The following IARS1 variants were observed in gnomAD, a reference collection of about 807,000 sequenced individuals.
IARS1 encodes isoleucine--tRNA ligase, cytoplasmic.
IARS1 carries 124 observed loss-of-function variants against 168.2 expected under a neutral mutation model. The observed-to-expected ratio is 0.74, with a 90% CI of 0.64 to 0.86. The LOEUF is 0.86. IARS1 is among the 40% of genes least tolerant of loss of function. The pLI, the probability that IARS1 is intolerant of heterozygous loss-of-function variation, is 0.00. For synonymous variants in IARS1, 532 were observed against 529.4 expected, an observed-to-expected ratio of 1.00 and a Z score of -0.07; for missense variants, 1,452 against 1,515.8, an observed-to-expected ratio of 0.96 and a Z score of 0.70.
intron 31 of IARS1, among the ~76,000 whole-genome samples, chr9:92,225,260 C>T (rs1051044139): frequency 6.6e-6 from 1 of 152,206 alleles, no homozygotes; most frequent in South Asian, 2.1e-4. Flanking sequence ...GTCTTATTTA[C>T]CAACACAGCA....
intron 8 of IARS1, 30 bp from the exon 9 acceptor site, chr9:92,277,953 T>C: frequency 1.3e-6 from 2 of 1,598,446 alleles, no homozygotes; most frequent in Non-Finnish European, 1.7e-6. Context: ...AACTCACAAT[T>C]AGATTAAAAT....
chr9:92,224,182 A>G (rs1825264555), intron 31 of IARS1, among the ~76,000 whole-genome samples: 1 of 152,230 alleles, frequency 6.6e-6, no homozygotes, highest in Admixed American at 6.5e-5. Flanking sequence ...TGGCTGGCAG[A>G]GAAAGAAAAC....
At chr9:92,244,436 T>C (rs1322747001) in intron 27 of IARS1, among the ~76,000 whole-genome samples, 1 of 152,158 alleles carries the variant, frequency 6.6e-6, no homozygotes, top group African/African-American at 2.4e-5. Context: ...TGCGAGATCT[T>C]ACAACTATGC....
intron 9 of IARS1, 133 bp from the exon 10 acceptor site, chr9:92,274,654 A>C: frequency 1.7e-6 from 1 of 593,526 alleles, no homozygotes; most frequent in Non-Finnish European, 3.0e-6. Context: ...GAAAAGAAAG[A>C]ATAATGCAGG....
At chr9:92,225,672 A>G (rs1387251278) in intron 31 of IARS1, among the ~76,000 whole-genome samples, 1 of 151,856 alleles carries the variant, frequency 6.6e-6, no homozygotes, top group Non-Finnish European at 1.5e-5. Context: ...GGGGTGAACT[A>G]TGGTGGTTTC....
intron 30 of IARS1, among the ~76,000 whole-genome samples, chr9:92,238,506 G>A (rs112027503): frequency 4.6e-5 from 7 of 152,288 alleles, no homozygotes; most frequent in Non-Finnish European, 1.0e-4. Context: ...CTGTAAAGCA[G>A]AGTAAAAGCT....
chr9:92,224,302 A>T (rs1382565808), intron 31 of IARS1, among the ~76,000 whole-genome samples: 1 of 152,218 alleles, frequency 6.6e-6, no homozygotes, highest in Non-Finnish European at 1.5e-5. Context: ...CCTGAAGAAT[A>T]GTGATGGGTG....
chr9:92,243,785 G>A (rs918200100), intron 27 of IARS1, among the ~76,000 whole-genome samples: 1 of 152,106 alleles, frequency 6.6e-6, no homozygotes, highest in African/African-American at 2.4e-5. Context: ...TTGTCAGAAC[G>A]ACTCAAGACA....
intron 30 of IARS1, among the ~76,000 whole-genome samples, chr9:92,240,082 G>A (rs1400148015): frequency 6.6e-6 from 1 of 152,008 alleles, no homozygotes; most frequent in Non-Finnish European, 1.5e-5. Context: ...AGGTCACTTG[G>A]TTACAAGGTC....
At chr9:92,227,946 G>A (rs1389673063) in intron 31 of IARS1, among the ~76,000 whole-genome samples, 1 of 152,230 alleles carries the variant, frequency 6.6e-6, no homozygotes, top group Non-Finnish European at 1.5e-5. Context: ...CGGCCGGGCA[G>A]AGGCTGCAAT....
At position 92,222,617 on chromosome 9, in the gene IARS1, A is replaced by G; in HGVS notation, c.3609T>C (p.Asn1203=). Residue 1203 remains asparagine, a synonymous_variant, in exon 33 of 34, where the codon AAT becomes AAC. Transcript: ENST00000443024. ...ACAGAAGACCTTGGTGGGTGAGTCC[A>G]TTCTGCCCAAGTGGGTTTTCAAGCA... ...TLLLENPLGQ[N]GLTHQGLLYE... is the part of the protein sequence containing the mutation. 1 of 1,614,082 alleles carries G rather than the reference A, an allele frequency of 6.2e-7. No individual in the cohort carries two copies. The highest frequency in any genetic ancestry group is 1.1e-5 in the South Asian group (1 of 91,082).
intron 30 of IARS1, among the ~76,000 whole-genome samples, chr9:92,230,405 G>T (rs1231033721): frequency 6.6e-6 from 1 of 152,146 alleles, no homozygotes; most frequent in Non-Finnish European, 1.5e-5. Context: ...GAGCAACTGT[G>T]CCTGGCCTCA....
At chr9:92,253,260 G>A in intron 21 of IARS1, 102 bp downstream of exon 21, 1 of 738,824 alleles carries the variant, frequency 1.4e-6, no homozygotes. Flanking sequence ...CAAAAACGGA[G>A]AGCAACTGAA....
Position 92,242,157 on chromosome 9 carries a change from T to C in IARS1, c.3174A>G (p.Thr1058=), listed in dbSNP as rs767023093. Residue 1058 remains threonine (T), a synonymous_variant, in exon 29 of 34, where the codon ACA becomes ACG. Transcript: ENST00000443024. ...TTCAGTGGAACTCAGGACTCACCTG[T>C]GTTTTTTCTTGAATAAGGACTTTAT... The part of the protein sequence containing the change: ...PSDKVLIQEK[T]QLKGSELEIT... 2.5e-6 allele frequency: 4 copies of C among 1,612,368 alleles called. No individual in the cohort carries two copies. The highest frequency in any genetic ancestry group is 1.7e-6 in the Non-Finnish European group (2 of 1,178,686).
At position 92,247,852 on chromosome 9, in the gene IARS1, A is replaced by G. The variant is rs146301370; in HGVS notation, c.2617-301T>C. On this transcript the variant is annotated intron_variant, in intron 25 of 33. Coordinates refer to ENST00000443024, the MANE Select transcript of IARS1 (RefSeq NM_002161.6). ...GATTCCACTTATATGAAATGTCCAG[A>G]GAAGGCAAATCCAGAGATAGCAAAT... is the stretch of plus-strand genomic sequence containing the variant. Among the ~76,000 whole-genome samples, 292 of 152,374 alleles carry G rather than the reference A, an allele frequency of 1.9e-3. 2 individuals carry two copies. Among genetic ancestry groups the G allele is most frequent in the Middle Eastern group, 0.017 (5 of 294 alleles).
rs533121693 is a variant in IARS1, at chr9:92,242,974, C to T, written c.3000+242G>A. 22 of 412,030 alleles carry T rather than the reference C, an allele frequency of 5.3e-5. 1 individual carries two copies. The highest frequency in any genetic ancestry group is 3.7e-4 in the South Asian group (17 of 45,812). 25.5% of individuals were successfully genotyped at this position (412,030 alleles called of 1,614,324 possible). A position where few individuals can be genotyped will look rare whatever the true frequency, so the allele number is the denominator to read the frequency against. On this transcript the variant is annotated intron_variant, in intron 28 of 33. Transcript: ENST00000443024. ...CAGGGGATATTCTGTAGAAGCCCAACGGAGCTAAAAAAAAGGATGGGAAAA... is the reference window on the plus strand; with the variant it reads ...CAGGGGATATTCTGTAGAAGCCCAATGGAGCTAAAAAAAAGGATGGGAAAA...
rs78735936 is a variant in IARS1 at position 92,275,732 on chromosome 9, G to A, written c.895-1211C>T. Among the ~76,000 whole-genome samples, 1,095 of 152,288 alleles carry A rather than the reference G, an allele frequency of 7.2e-3. 12 individuals carry two copies. The highest frequency in any genetic ancestry group is 0.024 in the African/African-American group (1,018 of 41,568). On this transcript the variant is annotated intron_variant, in intron 9 of 33. Coordinates refer to ENST00000443024, the MANE Select transcript of IARS1 (RefSeq NM_002161.6). ...CAGGTCAGTAGATACCAACCACCAG[G>A]AGCAGCAGTGCTGCTCCATAGGCAG...
chr9:92,223,135 C>A (rs992303706), intron 32 of IARS1, among the ~76,000 whole-genome samples: 1 of 152,146 alleles, frequency 6.6e-6, no homozygotes, highest in Non-Finnish European at 1.5e-5. Context: ...TTTTACCTAA[C>A]CAATTTTTTC....
intron 20 of IARS1, among the ~76,000 whole-genome samples, chr9:92,255,335 C>T (rs779332571): frequency 3.3e-5 from 5 of 152,198 alleles, no homozygotes; most frequent in East Asian, 1.9e-4. Context: ...CAGCAGGAAC[C>T]GCAGAGCCCT....
Sources: allele counts gnomAD v4.1 joint callset (sites outside exome capture counted in the v4.1 genomes callset), GRCh38; gene constraint gnomAD v4.1.1; transcripts MANE v1.5; gene names NCBI Gene and HGNC (gene_info 2026-07-23, HGNC 2026-07-21).